MRTFB: variants seen among roughly 807,000 people sequenced by gnomAD.
MRTFB encodes myocardin-related transcription factor B.
In MRTFB, 29 loss-of-function variants were observed where a neutral mutation model predicts 104.2. The ratio of observed to expected loss-of-function variants is 0.28; its 90% CI spans 0.21 to 0.38. MRTFB has a LOEUF of 0.38. MRTFB is among the 10% of genes least tolerant of loss of function. The pLI, the probability that MRTFB is intolerant of heterozygous loss-of-function variation, is 1.00. For missense variants in MRTFB, 1,270 were observed against 1,341.6 expected, an observed-to-expected ratio of 0.95 and a Z score of 0.83; for synonymous variants, 535 against 519.5, an observed-to-expected ratio of 1.03 and a Z score of -0.41.
intron 2 of MRTFB, among the ~76,000 whole-genome samples, chr16:14,080,851 G>T (rs1567299578): frequency 6.6e-6 from 1 of 152,174 alleles, no homozygotes; most frequent in Non-Finnish European, 1.5e-5. Context: ...CGTTTTTATA[G>T]TTGAATAGTA....
At chr16:14,123,851 C>G (rs2036972645) in intron 2 of MRTFB, among the ~76,000 whole-genome samples, 2 of 152,166 alleles carry the variant, frequency 1.3e-5, no homozygotes. Context: ...CTATAAATTA[C>G]TTAGGGCAGT....
rs567972130 is a variant in MRTFB, at chr16:14,130,111, GTGAGC to G, written c.-63-10432_-63-10428del. Among the ~76,000 whole-genome samples the G allele has an allele frequency of 2.6e-5, 4 of 152,298 alleles. No homozygotes were observed. The South Asian group carries it at 6.2e-4, about 24-fold the overall frequency. On this transcript the variant is annotated intron_variant, in intron 2 of 16. Coordinates refer to ENST00000571589, the MANE Select transcript of MRTFB (RefSeq NM_001308142.2). ...CTCCCAAGGTGCTGGGATTACTGGT[GTGAGC>G]CATCGCATCCAGCCTAATGAAATGT...
the MRTFB span, among the ~76,000 whole-genome samples, chr16:14,031,013 T>C: frequency 6.6e-6 from 1 of 152,296 alleles, no homozygotes; most frequent in East Asian, 1.9e-4. Context: ...TTGGGGAATG[T>C]CTTGCAATGC....
At chr16:14,231,114 C>T (rs963817714) in intron 8 of MRTFB, among the ~76,000 whole-genome samples, 3 of 147,080 alleles carry the variant, frequency 2.0e-5, no homozygotes, top group African/African-American at 7.6e-5. Context: ...AGGGGAACAT[C>T]ACACTCTGGG....
chr16:14,213,260 T>C (rs995279744), intron 5 of MRTFB, among the ~76,000 whole-genome samples: 2 of 152,236 alleles, frequency 1.3e-5, no homozygotes, highest in African/African-American at 4.8e-5. Context: ...ATCCTATGTT[T>C]ATTAAAAAAC....
Position 14,262,478 on chromosome 16 carries a change from A to G in MRTFB, c.*1034A>G, listed in dbSNP as rs1329728522. ...ATGGAAGGTAAGGGGAAGGTCTGTC[A>G]TCTACCCAGGACATTCCCATGATGA... On this transcript the variant is annotated 3_prime_UTR_variant, in exon 17 of 17. Transcript: ENST00000571589. 6.6e-6 allele frequency: 1 copy of G among 152,256 alleles called. No individual in the cohort carries two copies. Among genetic ancestry groups the G allele is most frequent in the Non-Finnish European group, 1.5e-5 (1 of 68,058 alleles). The allele number at this position is 152,256 out of a possible 1,614,324, so 9.4% of individuals were successfully genotyped here. A position where few individuals can be genotyped will look rare whatever the true frequency, so the allele number is the denominator to read the frequency against.
chr16:14,096,794 T>TA (rs938860540), intron 2 of MRTFB, among the ~76,000 whole-genome samples: 1 of 152,250 alleles, frequency 6.6e-6, no homozygotes, highest in Non-Finnish European at 1.5e-5. Context: ...GTATGTTTTT[T>TA]AAAAAATCAT....
the MRTFB span, among the ~76,000 whole-genome samples, chr16:14,040,749 C>G: frequency 6.6e-6 from 1 of 152,226 alleles, no homozygotes; most frequent in South Asian, 2.1e-4. Context: ...AGGTGCAAGC[C>G]ACCGCACCCG....
intron 2 of MRTFB, among the ~76,000 whole-genome samples, chr16:14,094,302 T>C (rs2035244113): frequency 6.6e-6 from 1 of 152,220 alleles, no homozygotes; most frequent in Non-Finnish European, 1.5e-5. Context: ...AAATAATCTC[T>C]ATCTAGATTT....
At position 14,236,343 on chromosome 16, in the gene MRTFB, A is replaced by C. The variant is rs184374454; in HGVS notation, c.831+2060A>C. Reference sequence around the variant, plus strand: ...GTGCCTGATAATTAAAGTGATTTCCAATTAGCATGCACATTCACGATTCAT... The same window carrying C: ...GTGCCTGATAATTAAAGTGATTTCCCATTAGCATGCACATTCACGATTCAT... On this transcript the variant is annotated intron_variant, in intron 9 of 16. Coordinates refer to ENST00000571589, the MANE Select transcript of MRTFB (RefSeq NM_001308142.2). Among the ~76,000 whole-genome samples, 66 of 152,354 alleles carry C rather than the reference A, an allele frequency of 4.3e-4. 1 individual carries two copies. Among genetic ancestry groups the C allele is most frequent in the Admixed American group, 2.9e-3 (45 of 15,304 alleles).
intron 3 of MRTFB, among the ~76,000 whole-genome samples, chr16:14,172,232 C>T (rs535029499): frequency 6.6e-6 from 1 of 152,238 alleles, no homozygotes; most frequent in Admixed American, 6.5e-5. Flanking sequence ...CCGCCTCCCC[C>T]CCACAAACAA....
chr16:14,131,074 A>G (rs1425989494), intron 2 of MRTFB, among the ~76,000 whole-genome samples: 2 of 152,074 alleles, frequency 1.3e-5, no homozygotes, highest in African/African-American at 4.8e-5. Context: ...AAGCTTATAT[A>G]TGGGGAATTA....
At chr16:14,168,988 T>A (rs183030206) in intron 3 of MRTFB, among the ~76,000 whole-genome samples, 3 of 152,340 alleles carry the variant, frequency 2.0e-5, no homozygotes, top group Non-Finnish European at 4.4e-5. Context: ...ATGAGCTATT[T>A]ATGTGAAAGA....
chr16:13,995,283 C>G, the MRTFB span, among the ~76,000 whole-genome samples: 3 of 152,114 alleles, frequency 2.0e-5, no homozygotes, highest in Admixed American at 1.3e-4. Context: ...AGGTCTGATA[C>G]CATTCCTGAG....
the MRTFB span, among the ~76,000 whole-genome samples, chr16:13,995,737 T>G: frequency 1.3e-5 from 2 of 152,066 alleles, no homozygotes; most frequent in African/African-American, 4.8e-5. Context: ...CATCCCTGGC[T>G]GGAGAAGGAG....
At chr16:14,225,950 C>T (rs1321245295) in intron 8 of MRTFB, among the ~76,000 whole-genome samples, 1 of 152,140 alleles carries the variant, frequency 6.6e-6, no homozygotes, top group African/African-American at 2.4e-5. Context: ...CTGCAGAACA[C>T]CTTGCTGTGG....
chr16:14,043,935 C>T, the MRTFB span, among the ~76,000 whole-genome samples: 2 of 152,338 alleles, frequency 1.3e-5, no homozygotes, highest in South Asian at 4.1e-4. Context: ...GTGATAGGAG[C>T]ACTCAGTAGT....
chr16:14,139,634 A>G (rs2063845246), intron 2 of MRTFB, among the ~76,000 whole-genome samples: 1 of 152,158 alleles, frequency 6.6e-6, no homozygotes, highest in Non-Finnish European at 1.5e-5. Flanking sequence ...GATATTTGGT[A>G]TTTACCCAAG....
the MRTFB span, among the ~76,000 whole-genome samples, chr16:14,046,552 C>T: frequency 1.4e-4 from 21 of 152,242 alleles, no homozygotes; most frequent in African/African-American, 4.3e-4. Context: ...CATTTCTTGG[C>T]CTGCCCTTTG....
Sources: allele counts gnomAD v4.1 joint callset (sites outside exome capture counted in the v4.1 genomes callset), GRCh38; gene constraint gnomAD v4.1.1; transcripts MANE v1.5; gene names NCBI Gene and HGNC (gene_info 2026-07-23, HGNC 2026-07-21).